PACRG: variants seen among roughly 807,000 people sequenced by gnomAD.
The protein encoded by PACRG is parkin coregulated gene protein.
PACRG carries 29 observed loss-of-function variants against 29.7 expected under a neutral mutation model. That is an observed-to-expected ratio of 0.98 (90% CI 0.73 to 1.33). The LOEUF (loss-of-function observed/expected upper bound fraction) is 1.33, where lower values mean the gene tolerates loss of function less well. PACRG is among the 40% of genes most tolerant of loss of function. The pLI is 0.00. For missense variants in PACRG, 279 were observed against 316.2 expected (o/e 0.88, Z 0.89); for synonymous variants, 116 against 118.7 (o/e 0.98, Z 0.15).
Position 163,305,750 on chromosome 6 carries a change from G to A in PACRG, c.614-9077G>A, listed in dbSNP as rs1198620196. ...AAGGACCTGTAATGAAGTAAAGATA[G>A]TGTAATAGTCTATGTCATAAAAAGT... On this transcript the variant is annotated intron_variant, in intron 4 of 4. Coordinates refer to ENST00000366888, the MANE Select transcript of PACRG (RefSeq NM_001080379.2). Among the ~76,000 whole-genome samples the A allele has an allele frequency of 2.6e-5, 4 of 152,288 alleles. No individual in the cohort carries two copies. In the South Asian group the frequency reaches 8.3e-4, roughly 32 times the overall value.
intron 2 of PACRG, among the ~76,000 whole-genome samples, chr6:163,033,428 C>T (rs1807853578): frequency 6.6e-6 from 1 of 152,182 alleles, no homozygotes; most frequent in Non-Finnish European, 1.5e-5. Flanking sequence ...ATTTAGTAAA[C>T]TTAATATTTG....
intron 4 of PACRG, among the ~76,000 whole-genome samples, chr6:163,164,613 G>A (rs1041847394): frequency 1.3e-5 from 2 of 152,170 alleles, no homozygotes; most frequent in African/African-American, 4.8e-5. Context: ...GAACGATGCG[G>A]GCTGGATTGC....
intron 2 of PACRG, among the ~76,000 whole-genome samples, chr6:162,848,750 A>G (rs182471003): frequency 2.2e-4 from 33 of 152,370 alleles, no homozygotes; most frequent in African/African-American, 7.5e-4. Flanking sequence ...CAATTGGATA[A>G]TAATCACTTA....
chr6:162,743,006 C>A (rs1780717614), intron 1 of PACRG, among the ~76,000 whole-genome samples: 1 of 152,132 alleles, frequency 6.6e-6, no homozygotes, highest in Non-Finnish European at 1.5e-5. Flanking sequence ...TGCAAGGGTT[C>A]CCATTTTTCC....
chr6:162,757,390 C>T (rs1017804955), intron 1 of PACRG, among the ~76,000 whole-genome samples: 2 of 152,132 alleles, frequency 1.3e-5, no homozygotes, highest in African/African-American at 4.8e-5. Context: ...GTGGCTCACG[C>T]CTGTAATCCC....
At chr6:163,201,648 G>A (rs1780703752) in intron 4 of PACRG, among the ~76,000 whole-genome samples, 1 of 152,200 alleles carries the variant, frequency 6.6e-6, no homozygotes, top group African/African-American at 2.4e-5. Context: ...AACAAGTCAT[G>A]GGCCCCCACC....
chr6:162,870,884 C>G (rs529428552), intron 2 of PACRG, among the ~76,000 whole-genome samples: 63 of 152,294 alleles, frequency 4.1e-4, no homozygotes, highest in Non-Finnish European at 6.3e-4. Flanking sequence ...CTCTTCCTTC[C>G]TCCCTCCTTC....
intron 4 of PACRG, among the ~76,000 whole-genome samples, chr6:163,202,126 C>G (rs1398368787): frequency 1.3e-5 from 2 of 152,146 alleles, no homozygotes; most frequent in African/African-American, 4.8e-5. Flanking sequence ...CAGGGGAAGC[C>G]GTCCTGTCCC....
At chr6:162,902,924 T>C (rs1219681969) in intron 2 of PACRG, among the ~76,000 whole-genome samples, 3 of 152,172 alleles carry the variant, frequency 2.0e-5, no homozygotes, top group Admixed American at 2.0e-4. Context: ...AAGAAGATAA[T>C]ATATTTATCA....
At chr6:163,065,641 A>T (rs1419281562) in intron 3 of PACRG, among the ~76,000 whole-genome samples, 1 of 152,206 alleles carries the variant, frequency 6.6e-6, no homozygotes, top group Non-Finnish European at 1.5e-5. Flanking sequence ...CCTCAACAAC[A>T]TCTGGCATAT....
chr6:163,193,426 A>C (rs1441399042), intron 4 of PACRG, among the ~76,000 whole-genome samples: 1 of 152,220 alleles, frequency 6.6e-6, no homozygotes, highest in Non-Finnish European at 1.5e-5. Flanking sequence ...TTTCACCACT[A>C]TTCCATTTGT....
At chr6:162,809,981 A>G (rs891549257) in intron 1 of PACRG, among the ~76,000 whole-genome samples, 1 of 152,140 alleles carries the variant, frequency 6.6e-6, no homozygotes, top group East Asian at 1.9e-4. Flanking sequence ...TCTCCTTCCC[A>G]TTGGAGTTAA....
chr6:163,073,273 A>T (rs1585148518), intron 3 of PACRG, among the ~76,000 whole-genome samples: 1 of 152,176 alleles, frequency 6.6e-6, no homozygotes, highest in East Asian at 1.9e-4. Flanking sequence ...GAAGTCAGAA[A>T]TAAGTCCATA....
chr6:163,106,384 A>G (rs1815382707), intron 4 of PACRG, among the ~76,000 whole-genome samples: 1 of 152,200 alleles, frequency 6.6e-6, no homozygotes, highest in South Asian at 2.1e-4. Flanking sequence ...TAACATTCCT[A>G]AACTTCCAGT....
chr6:162,964,714 C>T (rs956176248), intron 2 of PACRG, among the ~76,000 whole-genome samples: 4 of 152,072 alleles, frequency 2.6e-5, no homozygotes, highest in South Asian at 2.1e-4. Context: ...GTAACCTGGC[C>T]GCCAGCATAA....
chr6:162,907,086 G>A (rs528973406), intron 2 of PACRG, among the ~76,000 whole-genome samples: 22 of 152,192 alleles, frequency 1.4e-4, no homozygotes, highest in African/African-American at 4.3e-4. Flanking sequence ...ATCAAACTAA[G>A]TGTCATTATT....
chr6:163,050,988 G>A (rs1010480367), intron 2 of PACRG, among the ~76,000 whole-genome samples: 3 of 152,108 alleles, frequency 2.0e-5, no homozygotes, highest in East Asian at 3.9e-4. Flanking sequence ...GTGACTCGAG[G>A]GAGCATCCCG....
chr6:163,111,037 C>T (rs117398510), intron 4 of PACRG, among the ~76,000 whole-genome samples: 2 of 152,216 alleles, frequency 1.3e-5, no homozygotes, highest in Non-Finnish European at 2.9e-5. Context: ...CCGCTTCTTA[C>T]ATCTGTTTTT....
intron 2 of PACRG, among the ~76,000 whole-genome samples, chr6:163,042,104 A>G (rs974390610): frequency 6.6e-6 from 1 of 152,158 alleles, no homozygotes; most frequent in African/African-American, 2.4e-5. Context: ...ACCTCAGGTG[A>G]TCTGCCCACC....
Sources: gnomAD v4.1 joint callset for allele counts (sites outside exome capture counted in the v4.1 genomes callset) on GRCh38, gnomAD v4.1.1 for gene constraint, MANE v1.5 for transcripts, NCBI Gene and HGNC (gene_info 2026-07-23, HGNC 2026-07-21) for gene names.